Variants in CARD16 observed in about 807,000 individuals in gnomAD.
The protein encoded by CARD16 is caspase recruitment domain-containing protein 16.
Under a neutral mutation model 11.9 loss-of-function variants are expected in CARD16, and 8 were observed. That is an observed-to-expected ratio of 0.67 (90% CI 0.39 to 1.21). CARD16 has a LOEUF of 1.21. Among genes scored for constraint, CARD16 ranks in the 50% most tolerant of loss-of-function variants. The pLI, the probability that CARD16 is intolerant of heterozygous loss-of-function variation, is 0.01. For synonymous variants in CARD16, 44 were observed against 43.8 expected (o/e 1.00, Z -0.02); for missense variants, 131 against 118.1 (o/e 1.11, Z -0.51).
chr11:105,041,887 A>G (rs756997037), intron 3 of CARD16, among the ~76,000 whole-genome samples, 168 bp from the exon 4 acceptor site: 10 of 152,216 alleles, frequency 6.6e-5, no homozygotes, highest in Non-Finnish European at 1.3e-4. Context: ...TTCAAGCCAG[A>G]GATTTCTAGG....
At chr11:105,043,965 G>A in intron 2 of CARD16, 1 of 251,952 alleles carries the variant, frequency 4.0e-6, no homozygotes, top group Non-Finnish European at 7.6e-6. Flanking sequence ...TCTTCTCTGA[G>A]GGCAAAAGTT....
At position 105,044,470 on chromosome 11, in the gene CARD16, C is replaced by T. The variant is rs1240868332; in HGVS notation, c.196G>A (p.Ala66Thr). 1.9e-6 allele frequency: 3 copies of T among 1,613,984 alleles called. No individual in the cohort carries two copies. The highest frequency in any genetic ancestry group is 2.5e-6 in the Non-Finnish European group (3 of 1,179,998). The change falls in exon 2 of 4, where the codon GCA becomes ACA. Residue 66 changes from alanine (A) to threonine (T), a missense_variant. Coordinates refer to ENST00000673097, the MANE Select transcript of CARD16 (RefSeq NM_052889.4). ...ALIDSVIPKG[A>T]QACQICITYI... Reference sequence around the variant, plus strand: ...GTGATGCAAATTTGGCATGCCTGTGCCCCTTTCGGAATAACGGAGTCAATC... The same window carrying T: ...GTGATGCAAATTTGGCATGCCTGTGTCCCTTTCGGAATAACGGAGTCAATC...
In CARD16 at chr11:105,041,638, T is replaced by C. The variant is rs756356335; in HGVS notation, c.*125A>G. The C allele has an allele frequency of 1.9e-6, 3 of 1,614,084 alleles. No homozygotes were observed. The highest frequency in any genetic ancestry group is 2.5e-6 in the Non-Finnish European group (3 of 1,179,958). On this transcript the variant is annotated 3_prime_UTR_variant, in exon 4 of 4. Coordinates refer to ENST00000673097, the MANE Select transcript of CARD16 (RefSeq NM_052889.4). ...CTTTTGTTTCCATATCCTTTGAGCG[T>C]CTTCTAGAAAGCAAAGCTTGATTCT...
chr11:105,041,911 G>A (rs1021654766), intron 3 of CARD16, among the ~76,000 whole-genome samples, 192 bp from the exon 4 acceptor site: 1 of 152,156 alleles, frequency 6.6e-6, no homozygotes, highest in African/African-American at 2.4e-5. Context: ...GCATTACAGG[G>A]AGGATCTACT....
chr11:105,041,577 C>T lies in CARD16; in HGVS notation c.*186G>A, dbSNP rs371959716. ...TGCCTGAAGTATATCTTTCACTCCA[C>T]TTTATTATTGTATTCTGAACATGGC... On this transcript the variant is annotated 3_prime_UTR_variant, in exon 4 of 4. Transcript: ENST00000673097. The T allele has an allele frequency of 4.3e-6, 7 of 1,613,956 alleles. No individual in the cohort carries two copies. Among genetic ancestry groups the T allele is most frequent in the Admixed American group, 1.7e-5 (1 of 59,984 alleles).
At chr11:105,042,067 A>T (rs978015939) in intron 3 of CARD16, among the ~76,000 whole-genome samples, 4 of 152,220 alleles carry the variant, frequency 2.6e-5, no homozygotes, top group African/African-American at 4.8e-5. Context: ...CAAAGGATTC[A>T]AACCCTAGGA....
chr11:105,045,212 T>C, intron 1 of CARD16, 79 bp downstream of exon 1: 3 of 1,595,642 alleles, frequency 1.9e-6, no homozygotes, highest in Non-Finnish European at 2.6e-6. Context: ...CAGATACTAA[T>C]TATGGCTTCC....
rs777792557 is a variant in CARD16, at chr11:105,044,604, G to T, written c.62C>A (p.Thr21Lys). Reference protein sequence around the residue: ...KLFIHSMGEGTINGLLDELLQ... With the variant: ...KLFIHSMGEGKINGLLDELLQ... ...TAATTCATCCAGTAAGCCATTTATT[G>T]TACCTTCACCCATGGAATGGATAAA... Residue 21 changes from threonine to lysine, a missense_variant, in exon 2 of 4, where the codon ACA becomes AAA. By Grantham distance (78) the Thr-to-Lys change is moderately conservative. Transcript: ENST00000673097. The T allele has an allele frequency of 2.6e-5, 42 of 1,613,924 alleles. No homozygotes were observed. Among genetic ancestry groups the T allele is most frequent in the Non-Finnish European group, 3.4e-6 (4 of 1,179,974 alleles).
chr11:105,045,172 C>G, intron 1 of CARD16, 119 bp downstream of exon 1: 1 of 1,425,344 alleles, frequency 7.0e-7, no homozygotes, highest in Non-Finnish European at 9.9e-7. Flanking sequence ...ACTCCTCCCT[C>G]TCCCTCACTT....
chr11:105,043,914 G>C (rs1864151482), intron 2 of CARD16: 1 of 260,888 alleles, frequency 3.8e-6, no homozygotes, highest in East Asian at 8.4e-5. Flanking sequence ...ATCATTGAAT[G>C]TATTTCCTGA....
chr11:105,045,173 T>C, intron 1 of CARD16, 118 bp downstream of exon 1: 1 of 1,426,794 alleles, frequency 7.0e-7, no homozygotes, highest in South Asian at 1.2e-5. Flanking sequence ...CTCCTCCCTC[T>C]CCCTCACTTC....
intron 3 of CARD16, among the ~76,000 whole-genome samples, chr11:105,042,938 C>T (rs1213996385): frequency 2.0e-5 from 3 of 151,948 alleles, no homozygotes; most frequent in South Asian, 2.1e-4. Flanking sequence ...AAGGGGGGCA[C>T]TTAAGGAATA....
rs112026511 is a variant in CARD16 at position 105,041,790 on chromosome 11, G to T, written c.*44-71C>A. On this transcript the variant is annotated intron_variant, in intron 3 of 3. Transcript: ENST00000673097. ...TCTTATAGCCTCACCTATGGAGGAA[G>T]CTACAAAAGAGGAAATACATTCCTA... is the stretch of plus-strand genomic sequence containing the variant. 14 of 1,424,724 alleles carry T rather than the reference G, an allele frequency of 9.8e-6. No homozygotes were observed. The African/African-American group carries it at 1.3e-4, about 13-fold the overall frequency. 88.3% of individuals were successfully genotyped at this position (1,424,724 alleles called of 1,614,324 possible).
At chr11:105,044,213 A>G (rs144816877) in intron 2 of CARD16, 179 bp downstream of exon 2, 3 of 949,260 alleles carry the variant, frequency 3.2e-6, no homozygotes, top group Non-Finnish European at 4.7e-6. Context: ...GAGGGCACTG[A>G]GGATGAAGGA....
In CARD16 at chr11:105,045,335, T is replaced by G; in HGVS notation, c.-38A>C. On this transcript the variant is annotated 5_prime_UTR_variant, in exon 1 of 4. Coordinates refer to ENST00000673097, the MANE Select transcript of CARD16 (RefSeq NM_052889.4). Reference sequence around the variant, plus strand: ...CTACCCTTCTTGTGTGGGCTGAAACTGAAAGTATGTTTCGCCTTCCTTTTT... The same window carrying G: ...CTACCCTTCTTGTGTGGGCTGAAACGGAAAGTATGTTTCGCCTTCCTTTTT... The G allele has an allele frequency of 1.2e-6, 2 of 1,613,912 alleles. No homozygotes were observed. Among genetic ancestry groups the G allele is most frequent in the Non-Finnish European group, 1.7e-6 (2 of 1,179,814 alleles).
chr11:105,045,246 C>G, intron 1 of CARD16, 45 bp downstream of exon 1: 24 of 1,613,766 alleles, frequency 1.5e-5, no homozygotes, highest in Non-Finnish European at 2.0e-5. Context: ...CTTTCCACAA[C>G]TCTTTCTTCC....
chr11:105,041,769 A>C, intron 3 of CARD16, 50 bp from the exon 4 acceptor site: 1 of 1,555,944 alleles, frequency 6.4e-7, no homozygotes, highest in Non-Finnish European at 8.8e-7. Context: ...CTTTGTTCTT[A>C]TAGCCTCACC....
intron 1 of CARD16, 87 bp downstream of exon 1, chr11:105,045,204 G>A (rs1304116749): frequency 3.2e-6 from 5 of 1,582,106 alleles, no homozygotes; most frequent in Non-Finnish European, 4.3e-6. Flanking sequence ...AACTTCCACA[G>A]ATACTAATTA....
At chr11:105,043,299 G>C (rs542322676) in intron 3 of CARD16, among the ~76,000 whole-genome samples, 184 bp downstream of exon 3, 1 of 152,160 alleles carries the variant, frequency 6.6e-6, no homozygotes, top group East Asian at 1.9e-4. Flanking sequence ...GATTTTGTTA[G>C]TATAAATAAG....
Sources: allele counts gnomAD v4.1 joint callset (sites outside exome capture counted in the v4.1 genomes callset), GRCh38; gene constraint gnomAD v4.1.1; transcripts MANE v1.5; gene names NCBI Gene and HGNC (gene_info 2026-07-23, HGNC 2026-07-21).